Variants in FAM149A observed in about 807,000 individuals in gnomAD.
FAM149A encodes the protein family with sequence similarity 149 member A, also known as protein FAM149A.
A neutral mutation model predicts 78.2 loss-of-function variants in FAM149A; 71 were observed. The observed-to-expected ratio is 0.91, with a 90% confidence interval of 0.75 to 1.11. The LOEUF is 1.11. FAM149A is among the 50% of genes least tolerant of loss of function. FAM149A has a pLI of 0.00. For synonymous variants in FAM149A, 446 were observed against 410.5 expected (o/e 1.09, Z -1.04); for missense variants, 1,036 against 971.0 (o/e 1.07, Z -0.89).
intron 13 of FAM149A, chr4:186,169,698 G>A: frequency 5.1e-6 from 5 of 985,416 alleles, no homozygotes; most frequent in Non-Finnish European, 6.0e-6. Context: ...GGAAGAGGAG[G>A]TGGGGGTAGA....
chr4:186,157,521 A>G (rs1215896075), intron 7 of FAM149A, 44 bp from the exon 8 acceptor site: 2 of 1,581,174 alleles, frequency 1.3e-6, no homozygotes, highest in Admixed American at 1.7e-5. Context: ...TTTGTATTAG[A>G]TAATCTGATG....
chr4:186,118,236 G>C, intron 1 of FAM149A: 1 of 985,340 alleles, frequency 1.0e-6, no homozygotes, highest in Non-Finnish European at 1.2e-6. Context: ...TGTTGCTGTG[G>C]GAGTTTCAAG....
intron 11 of FAM149A, among the ~76,000 whole-genome samples, chr4:186,166,270 C>T (rs1735018577): frequency 6.6e-6 from 1 of 152,214 alleles, no homozygotes; most frequent in Non-Finnish European, 1.5e-5. Flanking sequence ...CCTGCATGCC[C>T]TGTGCCACCT....
intron 11 of FAM149A, 98 bp from the exon 12 acceptor site, chr4:186,166,870 C>A: frequency 8.3e-7 from 1 of 1,210,888 alleles, no homozygotes; most frequent in Non-Finnish European, 1.2e-6. Context: ...CTAAAAGTTT[C>A]CAAATAGATG....
In FAM149A at chr4:186,171,900, C is replaced by T. The variant is rs1276798128; in HGVS notation, c.2219-14C>T. 2 of 1,599,354 alleles carry T rather than the reference C, an allele frequency of 1.3e-6. No homozygotes were observed. Among genetic ancestry groups the T allele is most frequent in the Middle Eastern group, 1.7e-4 (1 of 6,002 alleles). On this transcript the variant is annotated splice_polypyrimidine_tract_variant and intron_variant, in intron 13 of 13. Transcript: ENST00000389354. ...ACATTTTAATGAGAATTACCTTTTG[C>T]TTGGTGTTTCCAGGTTCACAATATG...
intron 1 of FAM149A, among the ~76,000 whole-genome samples, chr4:186,138,573 C>T (rs2099324487): frequency 6.6e-6 from 1 of 152,178 alleles, no homozygotes; most frequent in Non-Finnish European, 1.5e-5. Context: ...CACGTCTCCT[C>T]AGTGTCCTCT....
chr4:186,145,161 G>T (rs912836956), intron 1 of FAM149A: 1 of 985,190 alleles, frequency 1.0e-6, no homozygotes, highest in East Asian at 1.1e-4. Flanking sequence ...CTCTGCAGGC[G>T]ATGTGCGCGG....
intron 1 of FAM149A, among the ~76,000 whole-genome samples, chr4:186,117,124 A>G (rs2099314082): frequency 6.6e-6 from 1 of 152,042 alleles, no homozygotes; most frequent in Non-Finnish European, 1.5e-5. Flanking sequence ...TCATCTATAC[A>G]AACTTGTCCC....
At chr4:186,156,308 G>A (rs533339417) in intron 7 of FAM149A, 118 bp downstream of exon 7, 2 of 721,572 alleles carry the variant, frequency 2.8e-6, no homozygotes, top group South Asian at 1.9e-5. Context: ...ACAAGTGGGT[G>A]TTCTGACTTT....
chr4:186,125,949 G>C, intron 1 of FAM149A: 5 of 985,404 alleles, frequency 5.1e-6, no homozygotes, highest in Non-Finnish European at 6.0e-6. Context: ...GTAACAGCCT[G>C]TTCTCCAGCT....
intron 1 of FAM149A, chr4:186,124,126 G>A (rs1027202182): frequency 2.0e-6 from 2 of 984,878 alleles, no homozygotes; most frequent in African/African-American, 1.8e-5. Context: ...ATGGACTTAC[G>A]ATAAGATACC....
At chr4:186,141,920 A>C (rs1053893659) in intron 1 of FAM149A, among the ~76,000 whole-genome samples, 2 of 152,212 alleles carry the variant, frequency 1.3e-5, no homozygotes, top group Non-Finnish European at 2.9e-5. Context: ...GATAAAATTC[A>C]AAGAAACCCA....
At chr4:186,137,000 C>CTCTCTCTCTCTCTCTCTCTTTCTCTCTT (rs2099323555) in intron 1 of FAM149A, among the ~76,000 whole-genome samples, 1 of 136,848 alleles carries the variant, frequency 7.3e-6, no homozygotes, top group African/African-American at 2.9e-5. Context: ...CTCTCTCTCT[C>CTCTCTCTCTCTCTCTCTCTTTCTCTCTT]TCTCTCTCTC....
intron 3 of FAM149A, 90 bp downstream of exon 3, chr4:186,149,794 T>G: frequency 1.1e-6 from 1 of 947,032 alleles, no homozygotes; most frequent in Non-Finnish European, 1.4e-6. Context: ...TTACCAATTA[T>G]AAAAGCATGA....
In FAM149A at chr4:186,144,823, G is replaced by A. The variant is rs1314269528; in HGVS notation, c.567-4350G>A. On this transcript the variant is annotated intron_variant, in intron 1 of 13. Transcript: ENST00000389354. The surrounding 1 kb of genome is among the most constrained non-coding windows in gnomAD (Gnocchi z 4.2). ...CAGCGCAGGGAGGAGGAGGGGAGGC[G>A]GCGCCGGCGCGGGCGGGGCGGAGGA... 3.4e-4 allele frequency: 333 copies of A among 983,620 alleles called. No individual in the cohort carries two copies. The highest frequency in any genetic ancestry group is 3.9e-4 in the Non-Finnish European group (321 of 829,090). The allele number at this position is 983,620 out of a possible 1,614,324, so 60.9% of individuals were successfully genotyped here.
Position 186,105,217 on chromosome 4 carries a change from G to A in FAM149A, c.141G>A (p.Pro47=). 3 of 1,266,624 alleles carry A rather than the reference G, an allele frequency of 2.4e-6. No individual in the cohort carries two copies. Among genetic ancestry groups the A allele is most frequent in the Non-Finnish European group, 3.1e-6 (3 of 979,242 alleles). The allele number at this position is 1,266,624 out of a possible 1,614,324, so 78.5% of individuals were successfully genotyped here. The stretch of plus-strand genomic sequence containing the variant: ...CGGGGGGCTCCAGGGCGGGCACCCC[G>A]TTGGGTACCGCCCCGACCCTCCTCC... Residue 47 remains proline, a synonymous_variant, in exon 1 of 14, where the codon CCG becomes CCA. Transcript: ENST00000389354.
chr4:186,133,290 G>A (rs988750217), intron 1 of FAM149A: 11 of 722,742 alleles, frequency 1.5e-5, no homozygotes, highest in East Asian at 1.3e-4. Context: ...AGTCACCACC[G>A]CCATCCATCT....
rs965619542 is a variant in FAM149A, at chr4:186,117,673, G to A, written c.566+12031G>A. 4 of 982,958 alleles carry A rather than the reference G, an allele frequency of 4.1e-6. No homozygotes were observed. The African/African-American group carries it at 7.0e-5, about 17-fold the overall frequency. The allele number at this position is 982,958 out of a possible 1,614,324, so 60.9% of individuals were successfully genotyped here. ...TTGTGAAAAGCGTTAAAACTAGGGA[G>A]AGCCTGGATACTGGGCTCTCTTTAG... On this transcript the variant is annotated intron_variant, in intron 1 of 13. Coordinates refer to ENST00000389354, the MANE Select transcript of FAM149A (RefSeq NM_001367768.3).
intron 1 of FAM149A, among the ~76,000 whole-genome samples, chr4:186,136,264 A>C (rs1480693665): frequency 6.6e-6 from 1 of 152,226 alleles, no homozygotes; most frequent in Non-Finnish European, 1.5e-5. Flanking sequence ...TAATTATCAG[A>C]ATTTTTGTAA....
Sources: gnomAD v4.1 joint callset for allele counts (sites outside exome capture counted in the v4.1 genomes callset) on GRCh38, gnomAD v4.1.1 for gene constraint, Gnocchi (gnomAD v3.1) non-coding constraint, MANE v1.5 for transcripts, NCBI Gene and HGNC (gene_info 2026-07-23, HGNC 2026-07-21) for gene names.